Variants in PFKFB2 observed in about 807,000 individuals in gnomAD.
The protein encoded by PFKFB2 is 6-phosphofructo-2-kinase/fructose-2,6-biphosphatase 2.
A neutral mutation model predicts 68.0 loss-of-function variants in PFKFB2; 53 were observed. The observed-to-expected ratio is 0.78, with a 90% CI of 0.63 to 0.98. PFKFB2 has a LOEUF of 0.98. Ranked by LOEUF, PFKFB2 falls within the 50% of genes least tolerant of loss-of-function variation. The probability of loss-of-function intolerance (pLI) is 0.00; values close to 1 mark genes in which losing one functional copy is unlikely to be tolerated. For missense variants in PFKFB2, 451 were observed against 642.0 expected (o/e 0.70, Z 3.22); for synonymous variants, 222 against 227.6 (o/e 0.98, Z 0.22).
At chr1:207,043,420 G>T (rs1481738074) in intron 2 of PFKFB2, among the ~76,000 whole-genome samples, 1 of 152,130 alleles carries the variant, frequency 6.6e-6, no homozygotes, top group East Asian at 1.9e-4. Context: ...CTGAACTCTG[G>T]CCAATTGTAA....
chr1:207,075,874 CTTCTT>C lies in PFKFB2; in HGVS notation c.*3504_*3508del. ...AAGCAGATTTAGAGAACCTGCTTCT[CTTCTT>C]ATCTCCTAATCCCTAAATTGTAATT... On this transcript the variant is annotated 3_prime_UTR_variant, in exon 15 of 15. Coordinates refer to ENST00000367080, the MANE Select transcript of PFKFB2 (RefSeq NM_006212.2). 2 of 984,750 alleles carry C rather than the reference CTTCTT, an allele frequency of 2.0e-6. No homozygotes were observed. The highest frequency in any genetic ancestry group is 2.4e-6 in the Non-Finnish European group (2 of 829,312). The allele number at this position is 984,750 out of a possible 1,614,324, so 61.0% of individuals were successfully genotyped here. A position where few individuals can be genotyped will look rare whatever the true frequency, so the allele number is the denominator to read the frequency against.
intron 2 of PFKFB2, chr1:207,047,732 T>C (rs766172650): frequency 3.3e-4 from 51 of 152,658 alleles, no homozygotes; most frequent in Non-Finnish European, 4.9e-4. Context: ...CATCTAGTAC[T>C]AGGAAGAAGC....
chr1:207,036,982 T>C (rs2629670), intron 1 of PFKFB2, among the ~76,000 whole-genome samples: 17,138 of 152,262 alleles, frequency 0.11, 3,152 homozygotes, highest in African/African-American at 0.38. Context: ...TGTCCTTGAG[T>C]GTAATTCCAT....
At chr1:207,054,864 A>G in intron 2 of PFKFB2, 62 bp downstream of exon 2, 1 of 1,170,578 alleles carries the variant, frequency 8.5e-7, no homozygotes, top group East Asian at 2.4e-5. Flanking sequence ...GAATATAGTT[A>G]TAATCCTGGA....
In PFKFB2 at chr1:207,077,592, T is replaced by C; in HGVS notation, c.*5221T>C. The stretch of plus-strand genomic sequence containing the variant: ...CACCTCTGGGTTGAATGGGAATGGG[T>C]CAGATTGGGAAGCCTAGGAAGAGAG... On this transcript the variant is annotated 3_prime_UTR_variant, in exon 15 of 15. Transcript: ENST00000367080. The C allele has an allele frequency of 2.0e-6, 2 of 985,730 alleles. No homozygotes were observed. Among genetic ancestry groups the C allele is most frequent in the Non-Finnish European group, 2.4e-6 (2 of 829,878 alleles). The allele number at this position is 985,730 out of a possible 1,614,324, so 61.1% of individuals were successfully genotyped here. A position where few individuals can be genotyped will look rare whatever the true frequency, so the allele number is the denominator to read the frequency against.
intron 8 of PFKFB2, among the ~76,000 whole-genome samples, chr1:207,065,707 C>T (rs1352954033): frequency 2.0e-5 from 3 of 152,280 alleles, no homozygotes; most frequent in East Asian, 1.9e-4. Flanking sequence ...ATGATTTCCT[C>T]AATCTCAGTA....
chr1:207,040,112 C>T (rs924045754), intron 1 of PFKFB2, among the ~76,000 whole-genome samples: 1 of 152,132 alleles, frequency 6.6e-6, no homozygotes, highest in African/African-American at 2.4e-5. Context: ...GTTGGACTTA[C>T]AAGTTATGGT....
At position 207,074,214 on chromosome 1, in the gene PFKFB2, C is replaced by G. The variant is rs1683556506; in HGVS notation, c.*1843C>G. 1.0e-6 allele frequency: 1 copy of G among 985,230 alleles called. No homozygotes were observed. The highest frequency in any genetic ancestry group is 1.2e-6 in the Non-Finnish European group (1 of 829,880). The allele number at this position is 985,230 out of a possible 1,614,324, so 61.0% of individuals were successfully genotyped here. A position where few individuals can be genotyped will look rare whatever the true frequency, so the allele number is the denominator to read the frequency against. ...GGAAAAATACTGGATAGTAGTTTCT[C>G]AGACAAAAGTGTCAGCCTAGGAATT... On this transcript the variant is annotated 3_prime_UTR_variant, in exon 15 of 15. Transcript: ENST00000367080.
Position 207,073,793 on chromosome 1 carries a change from T to A in PFKFB2, c.*1422T>A, listed in dbSNP as rs1409119125. On this transcript the variant is annotated 3_prime_UTR_variant, in exon 15 of 15. Coordinates refer to ENST00000367080, the MANE Select transcript of PFKFB2 (RefSeq NM_006212.2). ...CCTTGATGACCATGATGGCTTATTC[T>A]CTTTCCCAATTTTGCATGCAAAATG... 3 of 985,214 alleles carry A rather than the reference T, an allele frequency of 3.0e-6. No homozygotes were observed. The Admixed American group carries it at 1.8e-4, about 61-fold the overall frequency. The allele number at this position is 985,214 out of a possible 1,614,324, so 61.0% of individuals were successfully genotyped here.
chr1:207,049,474 C>G, upstream of PFKFB2: 1 of 1,614,186 alleles, frequency 6.2e-7, no homozygotes, highest in Non-Finnish European at 8.5e-7. Flanking sequence ...TATTGCCTCA[C>G]TATAGAAGTC....
intron 1 of PFKFB2, among the ~76,000 whole-genome samples, chr1:207,040,764 A>G (rs1682460461): frequency 6.6e-6 from 1 of 152,198 alleles, no homozygotes; most frequent in African/African-American, 2.4e-5. Context: ...CTTACCATCC[A>G]GTAAGTATAC....
chr1:207,067,101 C>T (rs1360238862), intron 8 of PFKFB2, among the ~76,000 whole-genome samples: 7 of 152,324 alleles, frequency 4.6e-5, no homozygotes, highest in South Asian at 2.1e-4. Context: ...CCCTTCCCCT[C>T]GTTGCTCGTC....
At chr1:207,045,229 C>T (rs577895401) in intron 2 of PFKFB2, 44 of 152,370 alleles carry the variant, frequency 2.9e-4, no homozygotes, top group Non-Finnish European at 6.0e-4. Context: ...GTCATCTCTG[C>T]ACTACAAGGA....
chr1:207,048,485 T>C (rs1442000348), upstream of PFKFB2: 1 of 153,792 alleles, frequency 6.5e-6, no homozygotes, highest in African/African-American at 2.4e-5. Flanking sequence ...GAAACTTAAC[T>C]CATTCAGAGT....
chr1:207,054,678 T>A, intron 1 of PFKFB2, 23 bp from the exon 2 acceptor site: 2 of 1,508,042 alleles, frequency 1.3e-6, no homozygotes, highest in Non-Finnish European at 1.8e-6. Flanking sequence ...TTCCCTTTTT[T>A]ACATTCTACT....
chr1:207,063,222 T>A lies in PFKFB2; in HGVS notation c.375+13T>A. ...TGGTCAGATTGCGGTAAGCTTTATC[T>A]GCTGCTTCTTCTTTCTGGTCCCCAC... On this transcript the variant is annotated intron_variant, in intron 5 of 14. Coordinates refer to ENST00000367080, the MANE Select transcript of PFKFB2 (RefSeq NM_006212.2). This position sits in a 1 kb window ranked among gnomAD's most constrained non-coding sequence, Gnocchi z 4.1. 1 of 1,611,782 alleles carries A rather than the reference T, an allele frequency of 6.2e-7. No individual in the cohort carries two copies. Among genetic ancestry groups the A allele is most frequent in the South Asian group, 1.1e-5 (1 of 91,036 alleles).
chr1:207,052,268 T>C, upstream of PFKFB2: 1 of 1,593,642 alleles, frequency 6.3e-7, no homozygotes, highest in Non-Finnish European at 8.6e-7. Context: ...AATTTTTTTT[T>C]GCTGGTGCAA....
Position 207,075,436 on chromosome 1 carries a change from A to G in PFKFB2, c.*3065A>G, listed in dbSNP as rs941588328. 8 of 985,300 alleles carry G rather than the reference A, an allele frequency of 8.1e-6. No individual in the cohort carries two copies. The highest frequency in any genetic ancestry group is 3.5e-5 in the African/African-American group (2 of 57,232). The allele number at this position is 985,300 out of a possible 1,614,324, so 61.0% of individuals were successfully genotyped here. A position where few individuals can be genotyped will look rare whatever the true frequency, so the allele number is the denominator to read the frequency against. On this transcript the variant is annotated 3_prime_UTR_variant, in exon 15 of 15. Coordinates refer to ENST00000367080, the MANE Select transcript of PFKFB2 (RefSeq NM_006212.2). ...GAATGGAAAAGAGCTCTTACTCCAA[A>G]TTTTAGAGAAGTTTCAGCTCTACTT...
chr1:207,077,694 G>A lies in PFKFB2; in HGVS notation c.*5323G>A. 21 of 985,712 alleles carry A rather than the reference G, an allele frequency of 2.1e-5. No homozygotes were observed. Among genetic ancestry groups the A allele is most frequent in the Non-Finnish European group, 2.5e-5 (21 of 829,820 alleles). 61.1% of individuals were successfully genotyped at this position (985,712 alleles called of 1,614,324 possible). On this transcript the variant is annotated 3_prime_UTR_variant, in exon 15 of 15. Transcript: ENST00000367080. ...TTTAGCAACATTCTGATTTAATCGGGTGACACTGATAACAAAGTATGCCAC... is the reference window on the plus strand; with the variant it reads ...TTTAGCAACATTCTGATTTAATCGGATGACACTGATAACAAAGTATGCCAC...
Sources: gnomAD v4.1 joint callset for allele counts (sites outside exome capture counted in the v4.1 genomes callset) on GRCh38, gnomAD v4.1.1 for gene constraint, Gnocchi (gnomAD v3.1) non-coding constraint, MANE v1.5 for transcripts, NCBI Gene and HGNC (gene_info 2026-07-23, HGNC 2026-07-21) for gene names.